The following RTKN2 variants were observed in gnomAD, a reference collection of about 807,000 sequenced individuals.
RTKN2 encodes rhotekin-2.
Under a neutral mutation model 71.5 loss-of-function variants are expected in RTKN2, and 69 were observed. That is an observed-to-expected ratio of 0.96 (90% CI 0.79 to 1.18). The LOEUF (loss-of-function observed/expected upper bound fraction) is 1.18, where lower values mean the gene tolerates loss of function less well. Among genes scored for constraint, RTKN2 ranks in the 50% most tolerant of loss-of-function variants. The pLI is 0.00. For missense variants in RTKN2, 724 were observed against 719.7 expected (o/e 1.01, Z -0.07); for synonymous variants, 236 against 236.5 (o/e 1.00, Z 0.02).
rs1407981560 is a variant in RTKN2 at position 62,218,184 on chromosome 10, A to G, written c.888+11T>C. ...GCTACAATTGTTGTAGGATATTTAA[A>G]GTCCTCTAACCTGCTGATTAAGAAA... On this transcript the variant is annotated intron_variant, in intron 8 of 11. Transcript: ENST00000373789. The G allele has an allele frequency of 1.3e-6, 2 of 1,553,200 alleles. No homozygotes were observed. Among genetic ancestry groups the G allele is most frequent in the South Asian group, 1.1e-5 (1 of 87,752 alleles).
chr10:62,249,235 C>T (rs866693849), intron 2 of RTKN2, among the ~76,000 whole-genome samples: 2 of 151,924 alleles, frequency 1.3e-5, no homozygotes, highest in Admixed American at 6.6e-5. Flanking sequence ...ATTATTTTGG[C>T]AATATTAAAA....
At chr10:62,237,399 G>A (rs1564518163) in intron 5 of RTKN2, among the ~76,000 whole-genome samples, 1 of 151,830 alleles carries the variant, frequency 6.6e-6, no homozygotes, top group Non-Finnish European at 1.5e-5. Context: ...TGTTTATTTA[G>A]CATCTAAATG....
At chr10:62,186,938 T>C (rs568088038) in intron 8 of RTKN2, among the ~76,000 whole-genome samples, 1 of 152,280 alleles carries the variant, frequency 6.6e-6, no homozygotes, top group East Asian at 1.9e-4. Context: ...AGGAAGTTTA[T>C]GGCAAAAAAA....
chr10:62,225,345 T>G (rs921149135), intron 6 of RTKN2, among the ~76,000 whole-genome samples: 9 of 152,218 alleles, frequency 5.9e-5, no homozygotes, highest in African/African-American at 1.9e-4. Context: ...TCCCACTATC[T>G]GGAACTTTTC....
intron 2 of RTKN2, among the ~76,000 whole-genome samples, chr10:62,248,798 A>G (rs572620043): frequency 6.6e-6 from 1 of 152,330 alleles, no homozygotes; most frequent in East Asian, 1.9e-4. Context: ...ATATTGTTCC[A>G]AGCGGGAATT....
At chr10:62,259,294 A>G in intron 2 of RTKN2, 1 of 410,344 alleles carries the variant, frequency 2.4e-6, no homozygotes, top group Non-Finnish European at 4.9e-6. Context: ...AGTCTCGGGT[A>G]TATCTGTATT....
At position 62,196,815 on chromosome 10, in the gene RTKN2, G is replaced by T; in HGVS notation, c.*1093C>A. 2 of 974,396 alleles carry T rather than the reference G, an allele frequency of 2.1e-6. No homozygotes were observed. Among genetic ancestry groups the T allele is most frequent in the Non-Finnish European group, 2.4e-6 (2 of 820,010 alleles). 60.4% of individuals were successfully genotyped at this position (974,396 alleles called of 1,614,324 possible). A position where few individuals can be genotyped will look rare whatever the true frequency, so the allele number is the denominator to read the frequency against. On this transcript the variant is annotated 3_prime_UTR_variant, in exon 12 of 12. Transcript: ENST00000373789. The stretch of plus-strand genomic sequence containing the variant: ...TACAAAAAGCATTATTATAAAAAAT[G>T]GATTTTTTGTTCCTTTAAGGTATTT...
chr10:62,245,077 T>C (rs565786859), intron 3 of RTKN2, among the ~76,000 whole-genome samples: 24 of 152,262 alleles, frequency 1.6e-4, no homozygotes, highest in African/African-American at 5.8e-4. Context: ...TTTGTAAAAG[T>C]GCATTATCTG....
At chr10:62,237,043 G>GCTCTTTTTT (rs1842273340) in intron 5 of RTKN2, among the ~76,000 whole-genome samples, 1 of 151,876 alleles carries the variant, frequency 6.6e-6, no homozygotes, top group Non-Finnish European at 1.5e-5. Flanking sequence ...TAAGTTTAGA[G>GCTCTTTTTT]ATATAATGTA....
Position 62,215,744 on chromosome 10 carries a change from A to G in RTKN2, c.1020+1374T>C, listed in dbSNP as rs191169419. 5.3e-5 allele frequency among the ~76,000 whole-genome samples: 8 copies of G among 152,148 alleles called. 1 individual carries two copies. In the South Asian group the frequency reaches 1.5e-3, roughly 28 times the overall value. Reference sequence around the variant, plus strand: ...CAGCTGAAAAGTCTAGATGAATGGTATACAGGTGTTCATTATTCTGTTTCA... The same window carrying G: ...CAGCTGAAAAGTCTAGATGAATGGTGTACAGGTGTTCATTATTCTGTTTCA... On this transcript the variant is annotated intron_variant, in intron 9 of 11. Transcript: ENST00000373789.
chr10:62,198,217 AG>A lies in RTKN2; in HGVS notation c.1520del (p.Pro507LeufsTer10). On this transcript the variant is annotated frameshift_variant, in exon 12 of 12. Transcript: ENST00000373789. LOFTEE classifies it high-confidence loss of function. The part of the protein sequence containing the change: ...EKGKKRQAPL[P>X]PSDKLPFSLK... ...AGCTGAATGGAAGTTTATCAGAAGG[AG>A]GAAGGGGAGCTTGTCTCTTTTTCCC... 2.5e-6 allele frequency: 4 copies of A among 1,614,074 alleles called. No individual in the cohort carries two copies. Among genetic ancestry groups the A allele is most frequent in the Non-Finnish European group, 3.4e-6 (4 of 1,179,962 alleles).
chr10:62,204,158 T>G (rs967591976), intron 10 of RTKN2, among the ~76,000 whole-genome samples: 2 of 152,208 alleles, frequency 1.3e-5, no homozygotes, highest in Non-Finnish European at 2.9e-5. Context: ...GAAACAGACA[T>G]TATCAACATT....
intron 5 of RTKN2, 44 bp downstream of exon 5, chr10:62,239,604 A>G (rs757331533): frequency 5.6e-6 from 5 of 894,426 alleles, no homozygotes; most frequent in Non-Finnish European, 8.4e-6. Flanking sequence ...AAAAAAGAAG[A>G]ATTTTAAATT....
At chr10:62,262,842 GA>G in intron 1 of RTKN2, 21 bp from the exon 2 acceptor site, 2 of 1,554,186 alleles carry the variant, frequency 1.3e-6, no homozygotes, top group Non-Finnish European at 1.8e-6. Context: ...AATGCATCTT[GA>G]AAATATAGCA....
chr10:62,256,450 A>C (rs955424804), intron 2 of RTKN2, among the ~76,000 whole-genome samples: 12 of 152,212 alleles, frequency 7.9e-5, no homozygotes, highest in African/African-American at 2.9e-4. Flanking sequence ...AAAAAAAGAT[A>C]AACAGTTTTC....
At chr10:62,246,260 G>A (rs1404349232) in intron 2 of RTKN2, among the ~76,000 whole-genome samples, 3 of 151,994 alleles carry the variant, frequency 2.0e-5, no homozygotes, top group African/African-American at 4.8e-5. Context: ...AGCCACTCCC[G>A]ATTTTTCATA....
At chr10:62,219,779 C>T (rs1344415153) in intron 7 of RTKN2, among the ~76,000 whole-genome samples, 1 of 151,602 alleles carries the variant, frequency 6.6e-6, no homozygotes, top group East Asian at 1.9e-4. Flanking sequence ...CGATACCCAT[C>T]TCTAATTAAA....
chr10:62,194,077 T>TA lies in RTKN2; in HGVS notation c.*3830dup. 1.0e-6 allele frequency: 1 copy of TA among 980,886 alleles called. No homozygotes were observed. Among genetic ancestry groups the TA allele is most frequent in the Non-Finnish European group, 1.2e-6 (1 of 825,854 alleles). The allele number at this position is 980,886 out of a possible 1,614,324, so 60.8% of individuals were successfully genotyped here. On this transcript the variant is annotated 3_prime_UTR_variant, in exon 12 of 12. Coordinates refer to ENST00000373789, the MANE Select transcript of RTKN2 (RefSeq NM_145307.4). Reference sequence around the variant, plus strand: ...CGCTTACCAAATACCTTTGGTACTTTAAAAAATGTATGTCCATGATATAAT... The same window carrying TA: ...CGCTTACCAAATACCTTTGGTACTTTAAAAAAATGTATGTCCATGATATAAT...
intron 2 of RTKN2, among the ~76,000 whole-genome samples, chr10:62,260,319 T>C (rs1330252233): frequency 6.6e-6 from 1 of 152,236 alleles, no homozygotes; most frequent in African/African-American, 2.4e-5. Context: ...TACATAACTT[T>C]CTTCAAGGAA....
Sources: allele counts gnomAD v4.1 joint callset (sites outside exome capture counted in the v4.1 genomes callset), GRCh38; gene constraint gnomAD v4.1.1; transcripts MANE v1.5; gene names NCBI Gene and HGNC (gene_info 2026-07-23, HGNC 2026-07-21).